Variants in GRAMD2B observed in about 807,000 individuals in gnomAD.
The protein encoded by GRAMD2B is GRAM domain containing 2B, also known as GRAM domain-containing protein 2B.
GRAMD2B carries 41 observed loss-of-function variants against 59.2 expected under a neutral mutation model. That is an observed-to-expected ratio of 0.69 (90% CI 0.54 to 0.90). GRAMD2B has a LOEUF of 0.90. Ranked by LOEUF, GRAMD2B falls within the 40% of genes least tolerant of loss-of-function variation. The pLI, the probability that GRAMD2B is intolerant of heterozygous loss-of-function variation, is 0.00. For synonymous variants in GRAMD2B, 161 were observed against 182.7 expected (o/e 0.88, Z 0.96); for missense variants, 424 against 500.5 (o/e 0.85, Z 1.46).
chr5:126,423,539 A>AAGCCGGGACG lies in GRAMD2B; in HGVS notation c.-60_-51dup. The AAGCCGGGACG allele has an allele frequency of 6.4e-7, 1 of 1,570,296 alleles. No individual in the cohort carries two copies. Among genetic ancestry groups the AAGCCGGGACG allele is most frequent in the East Asian group, 2.3e-5 (1 of 42,970 alleles). ...GCTTGGCCTGCGCACCCGGACCTAG[A>AAGCCGGGACG]AGCCGGGACGAGCCGGGGCAGAGCC... On this transcript the variant is annotated 5_prime_UTR_variant, in exon 1 of 14. An upstream open reading frame in the 5' UTR loses its in-frame stop. Coordinates refer to ENST00000285689, the MANE Select transcript of GRAMD2B (RefSeq NM_023927.4).
At chr5:126,377,428 T>A (rs1486789462) in intron 1 of GRAMD2B, among the ~76,000 whole-genome samples, 1 of 152,142 alleles carries the variant, frequency 6.6e-6, no homozygotes, top group African/African-American at 2.4e-5. Flanking sequence ...GGAGGGCCAC[T>A]GGTAAGGTGC....
At chr5:126,466,420 G>A (rs1768417965) in intron 2 of GRAMD2B, 1 of 712,226 alleles carries the variant, frequency 1.4e-6, no homozygotes, top group Non-Finnish European at 2.5e-6. Flanking sequence ...GCTGTTTTGT[G>A]GCATCTCACC....
At chr5:126,430,656 CCTTTTACTCTATAAATATATGTCTTT>C in intron 1 of GRAMD2B, among the ~76,000 whole-genome samples, 1 of 151,838 alleles carries the variant, frequency 6.6e-6, no homozygotes, top group East Asian at 1.9e-4. Context: ...TTTTACTAAG[CCTTTTACTCTATAAATATATGTCTTT>C]TCACAAGAAA....
Position 126,413,525 on chromosome 5 carries a change from G to A in GRAMD2B, c.125+41958G>A, listed in dbSNP as rs147031870. Reference sequence around the variant, plus strand: ...TGAGACTGAACATGAGATTGAACATGTGATCAATCCTGAAGTATGTTCCAT... The same window carrying A: ...TGAGACTGAACATGAGATTGAACATATGATCAATCCTGAAGTATGTTCCAT... On this transcript the variant is annotated intron_variant, in intron 1 of 8. Transcript: ENST00000506445. Among the ~76,000 whole-genome samples the A allele has an allele frequency of 2.4e-3, 369 of 152,070 alleles. 3 individuals carry two copies. The highest frequency in any genetic ancestry group is 8.6e-3 in the African/African-American group (355 of 41,512).
intron 8 of GRAMD2B, 120 bp downstream of exon 8, chr5:126,480,827 A>G: frequency 1.3e-6 from 1 of 791,298 alleles, no homozygotes. Flanking sequence ...TTTGAGGTAC[A>G]GTTGAAGAAA....
intron 10 of GRAMD2B, 141 bp downstream of exon 10, chr5:126,484,665 C>A (rs1772560991): frequency 1.3e-6 from 1 of 766,798 alleles, no homozygotes. Context: ...CTCACTGCAA[C>A]CTCTGCCTCT....
chr5:126,362,374 C>T (rs1754259692), intron 1 of GRAMD2B, among the ~76,000 whole-genome samples: 1 of 152,174 alleles, frequency 6.6e-6, no homozygotes, highest in African/African-American at 2.4e-5. Context: ...GAGCCTTTCA[C>T]TTTACCTGTC....
chr5:126,428,196 C>T (rs905485428), intron 1 of GRAMD2B, among the ~76,000 whole-genome samples: 4 of 152,158 alleles, frequency 2.6e-5, no homozygotes, highest in Non-Finnish European at 5.9e-5. Context: ...TGCCACTGCA[C>T]TCCAGCCTGG....
chr5:126,368,712 A>G (rs1449672582), upstream of GRAMD2B, among the ~76,000 whole-genome samples: 2 of 152,052 alleles, frequency 1.3e-5, no homozygotes, highest in Non-Finnish European at 2.9e-5. Context: ...TGAGTTTGTG[A>G]CCCCTGCTCT....
intron 1 of GRAMD2B, among the ~76,000 whole-genome samples, chr5:126,379,578 G>T (rs1323982172): frequency 2.6e-5 from 4 of 151,786 alleles, no homozygotes; most frequent in Non-Finnish European, 5.9e-5. Context: ...TTATTTTTTT[G>T]ATTTTTTTAT....
chr5:126,469,940 T>A, intron 3 of GRAMD2B, 152 bp downstream of exon 3: 1 of 607,046 alleles, frequency 1.6e-6, no homozygotes, highest in Non-Finnish European at 2.9e-6. Context: ...AGGCAGCAGT[T>A]CCTCCAGTCC....
chr5:126,401,763 T>C (rs1051492552), intron 1 of GRAMD2B, among the ~76,000 whole-genome samples: 5 of 152,036 alleles, frequency 3.3e-5, no homozygotes, highest in Admixed American at 6.6e-5. Context: ...TACTACCATA[T>C]AGAAAAATGA....
At chr5:126,379,865 T>C (rs1372367260) in intron 1 of GRAMD2B, among the ~76,000 whole-genome samples, 2 of 152,226 alleles carry the variant, frequency 1.3e-5, no homozygotes, top group East Asian at 1.9e-4. Context: ...GTTGTCTGTT[T>C]ACTCTGCTGA....
chr5:126,360,410 A>T (rs758452534), exon 1 of GRAMD2B: 6 of 1,551,386 alleles, frequency 3.9e-6, no homozygotes, highest in Middle Eastern at 1.7e-4. Flanking sequence ...GCCCTGGAAG[A>T]GTATGTTCCA....
upstream of GRAMD2B, among the ~76,000 whole-genome samples, chr5:126,422,606 AGATTGGACACCCCT>A (rs1359467133): frequency 1.3e-5 from 2 of 152,228 alleles, no homozygotes; most frequent in Non-Finnish European, 2.9e-5. Flanking sequence ...GGAAGCCAAA[AGATTGGACACCCCT>A]GATTGAGAAC....
intron 1 of GRAMD2B, among the ~76,000 whole-genome samples, chr5:126,403,993 A>T (rs1443258478): frequency 1.3e-5 from 2 of 151,944 alleles, no homozygotes; most frequent in East Asian, 3.9e-4. Flanking sequence ...CCACTTTGCC[A>T]AAAAAGGATG....
In GRAMD2B at chr5:126,483,715, G is replaced by A. The variant is rs1050456776; in HGVS notation, c.847+141G>A. ...TAGTTAAAAATCAGGAATGGAATCT[G>A]GAGAAAGGATGCCTTGAGAGTTGGA... On this transcript the variant is annotated intron_variant, in intron 9 of 13. Coordinates refer to ENST00000285689, the MANE Select transcript of GRAMD2B (RefSeq NM_023927.4). 277 of 580,588 alleles carry A rather than the reference G, an allele frequency of 4.8e-4. 4 individuals are homozygous for A. Among genetic ancestry groups the A allele is most frequent in the Non-Finnish European group, 1.2e-4 (39 of 332,060 alleles). The allele number at this position is 580,588 out of a possible 1,614,324, so 36.0% of individuals were successfully genotyped here. A position where few individuals can be genotyped will look rare whatever the true frequency, so the allele number is the denominator to read the frequency against.
chr5:126,488,693 C>T, intron 12 of GRAMD2B, 106 bp from the exon 13 acceptor site: 1 of 716,886 alleles, frequency 1.4e-6, no homozygotes, highest in South Asian at 1.9e-5. Flanking sequence ...TGTTCATTCT[C>T]TTCTATTATA....
At chr5:126,463,176 G>A (rs1581147603) in intron 1 of GRAMD2B, among the ~76,000 whole-genome samples, 2 of 152,200 alleles carry the variant, frequency 1.3e-5, no homozygotes, top group East Asian at 3.9e-4. Context: ...TCTGCCAGGA[G>A]CACCTTTTGC....
Sources: gnomAD v4.1 joint callset for allele counts (sites outside exome capture counted in the v4.1 genomes callset) on GRCh38, gnomAD v4.1.1 for gene constraint, MANE v1.5 for transcripts, NCBI Gene and HGNC (gene_info 2026-07-23, HGNC 2026-07-21) for gene names.